NAALADL2: variants seen among roughly 807,000 people sequenced by gnomAD.
NAALADL2 encodes the protein N-acetylated alpha-linked acidic dipeptidase like 2.
A neutral mutation model predicts 87.2 loss-of-function variants in NAALADL2; 76 were observed. The ratio of observed to expected loss-of-function variants is 0.87; its 90% CI spans 0.72 to 1.05. The LOEUF (loss-of-function observed/expected upper bound fraction) is 1.05. Ranked by LOEUF, NAALADL2 falls within the 50% of genes least tolerant of loss-of-function variation. The probability of loss-of-function intolerance (pLI) is 0.00; values close to 1 mark genes in which losing one functional copy is unlikely to be tolerated. For missense variants in NAALADL2, 1,089 were observed against 945.8 expected, an observed-to-expected ratio of 1.15 and a Z score of -1.99; for synonymous variants, 354 against 331.0, an observed-to-expected ratio of 1.07 and a Z score of -0.75.
At chr3:175,575,996 C>T in intron 9 of NAALADL2, 45 bp from the exon 10 acceptor site, 1 of 1,516,430 alleles carries the variant, frequency 6.6e-7, no homozygotes, top group Middle Eastern at 2.0e-4. Flanking sequence ...TAGGGATGAC[C>T]TGGGAAGCAT....
chr3:174,838,392 G>A (rs1293136708), intron 3 of NAALADL2, among the ~76,000 whole-genome samples: 1 of 152,138 alleles, frequency 6.6e-6, no homozygotes, highest in Non-Finnish European at 1.5e-5. Context: ...ACATAATACT[G>A]AATGGGGAAA....
chr3:174,917,097 G>T (rs923349417), intron 1 of NAALADL2, among the ~76,000 whole-genome samples: 13 of 151,982 alleles, frequency 8.6e-5, no homozygotes, highest in African/African-American at 2.9e-4. Flanking sequence ...TTAAGAATTT[G>T]ATTTAACTTT....
At chr3:174,961,054 A>ATT (rs34602409) in intron 1 of NAALADL2, among the ~76,000 whole-genome samples, 2 of 147,876 alleles carry the variant, frequency 1.4e-5, no homozygotes, top group Non-Finnish European at 3.0e-5. Flanking sequence ...ATATATATAT[A>ATT]TTAAATATAT....
chr3:175,232,250 C>A (rs372125820), intron 2 of NAALADL2, among the ~76,000 whole-genome samples: 7 of 20,104 alleles, frequency 3.5e-4, no homozygotes, highest in Admixed American at 8.9e-4. Flanking sequence ...GAAGAAAGAA[C>A]AAGAAGAAGA....
rs11348105 is a variant in NAALADL2, at chr3:174,770,847, C to CA, written c.-9+33113dup. Among the ~76,000 whole-genome samples the CA allele has an allele frequency of 3.4e-3, 467 of 136,488 alleles. 6 individuals are homozygous for CA. The highest frequency in any genetic ancestry group is 0.011 in the African/African-American group (390 of 36,192). The allele number at this position is 136,488 out of a possible 152,430, so 89.5% of individuals were successfully genotyped here. ...TGGGCGACAGCAAGACTCGGTCTAA[C>CA]AAAAAAAAAAAAGAAAAAAAAAGAA... On this transcript the variant is annotated intron_variant, in intron 3 of 3. Coordinates refer to the NAALADL2 transcript ENST00000434257.
rs1712477880 is a variant in NAALADL2, at chr3:174,758,751, CA to C, written c.-9+21007del. Among the ~76,000 whole-genome samples, 4 of 152,194 alleles carry C rather than the reference CA, an allele frequency of 2.6e-5. No homozygotes were observed. The South Asian group carries it at 8.3e-4, about 31-fold the overall frequency. On this transcript the variant is annotated intron_variant, in intron 3 of 3. Transcript: ENST00000434257. The stretch of plus-strand genomic sequence containing the variant: ...AGATGTACCAGTTTGTTGAGCTTAG[CA>C]ATCTTGTAATGTGGATGAATGTTCT...
intron 4 of NAALADL2, among the ~76,000 whole-genome samples, chr3:175,310,355 A>G (rs1384633293): frequency 1.3e-5 from 2 of 152,056 alleles, no homozygotes; most frequent in Non-Finnish European, 2.9e-5. Flanking sequence ...ATATAAGAAA[A>G]TTGGAAGCTC....
intron 10 of NAALADL2, among the ~76,000 whole-genome samples, chr3:175,596,922 GATACTATA>G (rs1722319719): frequency 6.6e-6 from 1 of 151,860 alleles, no homozygotes; most frequent in African/African-American, 2.4e-5. Flanking sequence ...GCCAGACCAA[GATACTATA>G]ATACTATGGC....
rs190309205 is a variant in NAALADL2 at position 175,570,972 on chromosome 3, G to A, written c.1654-5069G>A. Among the ~76,000 whole-genome samples the A allele has an allele frequency of 2.0e-3, 297 of 151,736 alleles. 2 individuals carry two copies. The highest frequency in any genetic ancestry group is 6.9e-3 in the African/African-American group (285 of 41,346). On this transcript the variant is annotated intron_variant, in intron 9 of 13. Transcript: ENST00000454872. Reference sequence around the variant, plus strand: ...ATGTTACACTTTTCTTGCTGTTTAAGTAAATAATCAACTTAAATTTCCTGT... The same window carrying A: ...ATGTTACACTTTTCTTGCTGTTTAAATAAATAATCAACTTAAATTTCCTGT...
At chr3:175,236,905 C>T (rs111603456) in intron 3 of NAALADL2, among the ~76,000 whole-genome samples, 7 of 152,086 alleles carry the variant, frequency 4.6e-5, no homozygotes, top group African/African-American at 1.7e-4. Flanking sequence ...AAATATTCTT[C>T]GCCCTTTATT....
At chr3:175,365,806 A>G (rs1236631103) in intron 5 of NAALADL2, among the ~76,000 whole-genome samples, 1 of 147,724 alleles carries the variant, frequency 6.8e-6, no homozygotes, top group East Asian at 2.0e-4. Flanking sequence ...ATTGTCTGAT[A>G]AATTTGAAAG....
chr3:175,192,141 T>C (rs1016956532), intron 2 of NAALADL2, among the ~76,000 whole-genome samples: 1 of 152,108 alleles, frequency 6.6e-6, no homozygotes, highest in Admixed American at 6.5e-5. Context: ...CTTTGGGCTT[T>C]ACTGGAGTGT....
chr3:174,817,893 T>A (rs1262938896), intron 3 of NAALADL2, among the ~76,000 whole-genome samples: 1 of 152,192 alleles, frequency 6.6e-6, no homozygotes, highest in African/African-American at 2.4e-5. Context: ...TTGTTCGTTT[T>A]CAGATTGTGA....
chr3:175,299,397 A>T (rs62285151), intron 4 of NAALADL2, among the ~76,000 whole-genome samples: 25,373 of 151,556 alleles, frequency 0.17, 2,223 homozygotes, highest in African/African-American at 0.21. Flanking sequence ...GGCCATTTTC[A>T]TGATATTGAT....
chr3:175,471,798 C>G (rs746705998), intron 9 of NAALADL2, 40 bp downstream of exon 9: 1 of 1,521,626 alleles, frequency 6.6e-7, no homozygotes, highest in Non-Finnish European at 8.8e-7. Context: ...TTATGCAAAA[C>G]CGACCTTTTC....
At chr3:175,466,617 A>G (rs1479689152) in intron 7 of NAALADL2, among the ~76,000 whole-genome samples, 2 of 152,200 alleles carry the variant, frequency 1.3e-5, no homozygotes, top group East Asian at 3.8e-4. Flanking sequence ...ATAGTTTATT[A>G]ATATTTACTG....
At chr3:174,706,852 T>A (rs1730119216) in intron 2 of NAALADL2, among the ~76,000 whole-genome samples, 1 of 152,220 alleles carries the variant, frequency 6.6e-6, no homozygotes, top group African/African-American at 2.4e-5. Context: ...GCTTTCTACA[T>A]ATGGCTAGCC....
At chr3:174,806,566 G>T (rs1719527266) in intron 3 of NAALADL2, among the ~76,000 whole-genome samples, 1 of 152,118 alleles carries the variant, frequency 6.6e-6, no homozygotes, top group South Asian at 2.1e-4. Flanking sequence ...AAACAATCCT[G>T]CAAATTCTGT....
In NAALADL2 at chr3:175,388,329, A is replaced by T. The variant is rs200302026; in HGVS notation, c.1091-58900A>T. Among the ~76,000 whole-genome samples, 18 of 152,244 alleles carry T rather than the reference A, an allele frequency of 1.2e-4. No homozygotes were observed. In the East Asian group the frequency reaches 3.5e-3, roughly 29 times the overall value. On this transcript the variant is annotated intron_variant, in intron 5 of 13. Coordinates refer to ENST00000454872, the MANE Select transcript of NAALADL2 (RefSeq NM_207015.3). ...TCTAAAAACTTATATAGAGTCTCAA[A>T]TATATCTCCTGTCTTAGTTTAAATG... is the stretch of plus-strand genomic sequence containing the variant.
Sources: gnomAD v4.1 joint callset for allele counts (sites outside exome capture counted in the v4.1 genomes callset) on GRCh38, gnomAD v4.1.1 for gene constraint, MANE v1.5 for transcripts, NCBI Gene and HGNC (gene_info 2026-07-23, HGNC 2026-07-21) for gene names.